Variants in UBAP1 observed in about 807,000 individuals in gnomAD.
UBAP1 encodes the protein ubiquitin associated protein 1.
UBAP1 carries 5 observed loss-of-function variants against 39.0 expected under a neutral mutation model. That is an observed-to-expected ratio of 0.13 (90% CI 0.07 to 0.27). UBAP1 has a LOEUF of 0.27. Among genes scored for constraint, UBAP1 ranks in the 10% least tolerant of loss-of-function variants. UBAP1 has a pLI of 1.00. For missense variants in UBAP1, 490 were observed against 608.1 expected (o/e 0.81, Z 2.04); for synonymous variants, 211 against 225.1 (o/e 0.94, Z 0.56).
Position 34,240,342 on chromosome 9 carries a change from G to A in UBAP1, c.160-843G>A, listed in dbSNP as rs144165543. On this transcript the variant is annotated intron_variant, in intron 3 of 6. Coordinates refer to ENST00000297661, the MANE Select transcript of UBAP1 (RefSeq NM_016525.5). ...TCCTATGTTTCTTCTCTAAAATTCTGGTGTTAGCACGTTAGACCTCTCTTT... is the reference window on the plus strand; with the variant it reads ...TCCTATGTTTCTTCTCTAAAATTCTAGTGTTAGCACGTTAGACCTCTCTTT... 5.3e-3 allele frequency among the ~76,000 whole-genome samples: 803 copies of A among 152,218 alleles called. 2 individuals are homozygous for A. The highest frequency in any genetic ancestry group is 7.3e-3 in the Non-Finnish European group (499 of 68,018).
chr9:34,237,905 A>AT (rs766428492), intron 3 of UBAP1, among the ~76,000 whole-genome samples: 7 of 152,176 alleles, frequency 4.6e-5, no homozygotes, highest in Non-Finnish European at 8.8e-5. Context: ...CAGTTCAGTG[A>AT]TTTTTAATAT....
intron 1 of UBAP1, among the ~76,000 whole-genome samples, chr9:34,194,550 G>A (rs184759886): frequency 5.9e-5 from 9 of 152,168 alleles, no homozygotes; most frequent in African/African-American, 1.2e-4. Flanking sequence ...TCCCGACCTC[G>A]TGATCCTCCT....
chr9:34,241,155 A>T, intron 3 of UBAP1, 30 bp from the exon 4 acceptor site: 1 of 1,401,824 alleles, frequency 7.1e-7, no homozygotes, highest in Non-Finnish European at 9.3e-7. Context: ...ACCTGGGTTC[A>T]CACCCCCTTC....
intron 1 of UBAP1, among the ~76,000 whole-genome samples, chr9:34,195,228 T>C (rs1330698158): frequency 6.6e-6 from 1 of 152,096 alleles, no homozygotes; most frequent in African/African-American, 2.4e-5. Flanking sequence ...TTTGTGCTTT[T>C]GGTGTTATAT....
intron 4 of UBAP1, 95 bp from the exon 5 acceptor site, chr9:34,249,682 AAT>A: frequency 8.4e-7 from 1 of 1,184,290 alleles, no homozygotes; most frequent in Middle Eastern, 2.1e-4. Context: ...TTGGGGCTTG[AAT>A]AGTGTCAGAA....
Position 34,240,611 on chromosome 9 carries a change from T to C in UBAP1, c.160-574T>C, listed in dbSNP as rs76150109. 4.2e-3 allele frequency among the ~76,000 whole-genome samples: 644 copies of C among 152,346 alleles called. 5 individuals carry two copies. The highest frequency in any genetic ancestry group is 0.015 in the African/African-American group (608 of 41,582). On this transcript the variant is annotated intron_variant, in intron 3 of 6. Transcript: ENST00000297661. ...TGTGTAATTTGCTGTGTAAAAATCTTAATCTGATTTCTTATAAGTTTTTCT... is the reference window on the plus strand; with the variant it reads ...TGTGTAATTTGCTGTGTAAAAATCTCAATCTGATTTCTTATAAGTTTTTCT...
chr9:34,198,530 T>C (rs1001435699), intron 1 of UBAP1, among the ~76,000 whole-genome samples: 1 of 152,186 alleles, frequency 6.6e-6, no homozygotes, highest in Non-Finnish European at 1.5e-5. Context: ...CCAGGCAGAA[T>C]GTTGACTGTG....
chr9:34,182,387 G>A (rs1054102630), intron 1 of UBAP1, among the ~76,000 whole-genome samples: 7 of 151,642 alleles, frequency 4.6e-5, no homozygotes, highest in Non-Finnish European at 8.8e-5. Context: ...GTTTCACAAC[G>A]TTGGCCAGGC....
At chr9:34,207,577 A>G (rs562363029) in intron 1 of UBAP1, among the ~76,000 whole-genome samples, 13 of 150,636 alleles carry the variant, frequency 8.6e-5, no homozygotes, top group African/African-American at 3.2e-4. Context: ...TTCTCCCTTT[A>G]TGTCTTCAGT....
At chr9:34,186,018 C>G (rs2131496151) in intron 1 of UBAP1, among the ~76,000 whole-genome samples, 1 of 152,302 alleles carries the variant, frequency 6.6e-6, no homozygotes, top group East Asian at 1.9e-4. Flanking sequence ...TGTCCAACCT[C>G]AATGCCTATG....
intron 1 of UBAP1, among the ~76,000 whole-genome samples, chr9:34,199,636 T>TC (rs1554647226): frequency 6.6e-6 from 1 of 151,810 alleles, no homozygotes; most frequent in Admixed American, 6.6e-5. Flanking sequence ...TCTTTTTTTT[T>TC]TCTCTCTCTT....
At chr9:34,187,927 T>C (rs1830495714) in intron 1 of UBAP1, among the ~76,000 whole-genome samples, 1 of 151,974 alleles carries the variant, frequency 6.6e-6, no homozygotes, top group Admixed American at 6.6e-5. Flanking sequence ...AATACATATA[T>C]ACATCTTGGT....
At chr9:34,239,105 C>G (rs549149447) in intron 3 of UBAP1, among the ~76,000 whole-genome samples, 1 of 152,194 alleles carries the variant, frequency 6.6e-6, no homozygotes, top group Non-Finnish European at 1.5e-5. Context: ...AGTGCAGTGG[C>G]GCCATCTTGG....
chr9:34,214,761 C>A (rs1390231758), intron 1 of UBAP1, among the ~76,000 whole-genome samples: 3 of 152,044 alleles, frequency 2.0e-5, no homozygotes, highest in African/African-American at 7.2e-5. Context: ...GGACTGATAT[C>A]CAGAATCTAC....
At chr9:34,225,647 G>C (rs1432351459) in intron 2 of UBAP1, among the ~76,000 whole-genome samples, 3 of 151,890 alleles carry the variant, frequency 2.0e-5, no homozygotes, top group Admixed American at 2.0e-4. Flanking sequence ...GAGCATGGTG[G>C]CTGGTGCCTG....
In UBAP1 at chr9:34,251,931, T is replaced by G; in HGVS notation, c.*399T>G. The G allele has an allele frequency of 6.0e-6, 1 of 166,012 alleles. No homozygotes were observed. Among genetic ancestry groups the G allele is most frequent in the Non-Finnish European group, 1.3e-5 (1 of 76,006 alleles). The allele number at this position is 166,012 out of a possible 1,614,324, so 10.3% of individuals were successfully genotyped here. A position where few individuals can be genotyped will look rare whatever the true frequency, so the allele number is the denominator to read the frequency against. ...TCAGTGCTGCTGTGGAGCTAGGTGC[T>G]TCCCCCTTCCCCTGAGACTGGTGGA... On this transcript the variant is annotated 3_prime_UTR_variant, in exon 7 of 7. Coordinates refer to ENST00000297661, the MANE Select transcript of UBAP1 (RefSeq NM_016525.5).
chr9:34,197,128 A>G (rs942353285), intron 1 of UBAP1, among the ~76,000 whole-genome samples: 3 of 151,912 alleles, frequency 2.0e-5, no homozygotes, highest in African/African-American at 4.8e-5. Flanking sequence ...GGGTTTCACT[A>G]TGTTGGCCAG....
At position 34,241,312 on chromosome 9, in the gene UBAP1, C is replaced by T. The variant is rs140809861; in HGVS notation, c.287C>T (p.Pro96Leu). 7.5e-5 allele frequency: 113 copies of T among 1,515,954 alleles called. No individual in the cohort carries two copies. The African/African-American group carries it at 1.4e-3, about 19-fold the overall frequency. The allele number at this position is 1,515,954 out of a possible 1,614,324, so 93.9% of individuals were successfully genotyped here. A position where few individuals can be genotyped will look rare whatever the true frequency, so the allele number is the denominator to read the frequency against. The change falls in exon 4 of 7, where the codon CCA (proline) becomes CTA (leucine). Residue 96 changes from proline (P) to leucine (L), a missense_variant. Around this residue, in one of 3 missense-constraint regions of UBAP1, gnomAD observed 144 missense variants for 184.4 expected, o/e 0.78. Coordinates refer to ENST00000297661, the MANE Select transcript of UBAP1 (RefSeq NM_016525.5). ...GCTAAAGTGAATTCTAAGAGTGGCC[C>T]AGAGGGCGATAGCAAAATGAGCTTC... is the stretch of plus-strand genomic sequence containing the variant. The part of the protein sequence containing the change: ...AEAKVNSKSG[P>L]EGDSKMSFSK...
chr9:34,228,714 C>T (rs969389367), intron 2 of UBAP1, among the ~76,000 whole-genome samples: 4 of 150,074 alleles, frequency 2.7e-5, no homozygotes, highest in African/African-American at 9.8e-5. Context: ...GGATTACAGG[C>T]GTGCATCACC....
Sources: gnomAD v4.1 joint callset for allele counts (sites outside exome capture counted in the v4.1 genomes callset) on GRCh38, gnomAD v4.1.1 for gene constraint, gnomAD v4.1.1 regional missense constraint, MANE v1.5 for transcripts, NCBI Gene and HGNC (gene_info 2026-07-23, HGNC 2026-07-21) for gene names.